The following PEMT variants were observed in gnomAD, a reference collection of about 807,000 sequenced individuals.
PEMT encodes the protein phosphatidylethanolamine N-methyltransferase, also known as phospholipid methyltransferase.
PEMT carries 23 observed loss-of-function variants against 27.4 expected under a neutral mutation model. The ratio of observed to expected loss-of-function variants is 0.84; its 90% CI spans 0.60 to 1.19. PEMT has a LOEUF of 1.19. Ranked by LOEUF, PEMT falls within the 50% of genes most tolerant of loss-of-function variation. The probability of loss-of-function intolerance (pLI) is 0.00; values close to 1 mark genes in which losing one functional copy is unlikely to be tolerated. For synonymous variants in PEMT, 137 were observed against 139.1 expected, an observed-to-expected ratio of 0.98 and a Z score of 0.11; for missense variants, 307 against 310.1, an observed-to-expected ratio of 0.99 and a Z score of 0.07.
At chr17:17,552,404 C>T (rs981554471) in intron 2 of PEMT, among the ~76,000 whole-genome samples, 4 of 152,346 alleles carry the variant, frequency 2.6e-5, no homozygotes, top group African/African-American at 9.6e-5. Flanking sequence ...TTTCATCTGC[C>T]ATTTGGGATT....
chr17:17,505,723 C>CGAGGGTTAGG lies in PEMT; in HGVS notation c.*67_*68insCCTAACCCTC. On this transcript the variant is annotated 3_prime_UTR_variant, in exon 7 of 7. Transcript: ENST00000255389. ...AGCAGCAGGCACCATTCTCGCCCTG[C>CGAGGGTTAGG]GCAGGGCCTGCCACTTGGGGCAGGC... The CGAGGGTTAGG allele has an allele frequency of 6.6e-7, 1 of 1,506,252 alleles. No homozygotes were observed. The highest frequency in any genetic ancestry group is 8.9e-7 in the Non-Finnish European group (1 of 1,125,722). 93.3% of individuals were successfully genotyped at this position (1,506,252 alleles called of 1,614,324 possible).
At chr17:17,529,765 G>A (rs1907954171) in intron 2 of PEMT, among the ~76,000 whole-genome samples, 1 of 152,222 alleles carries the variant, frequency 6.6e-6, no homozygotes, top group Non-Finnish European at 1.5e-5. Flanking sequence ...ACAGGAGAAA[G>A]AGCAATAGGA....
chr17:17,568,922 G>A (rs1166618689), intron 2 of PEMT, among the ~76,000 whole-genome samples: 4 of 152,152 alleles, frequency 2.6e-5, no homozygotes, highest in Non-Finnish European at 5.9e-5. Context: ...ACCCTGGGGT[G>A]CAGCTGCTGC....
chr17:17,524,822 C>T (rs559481943), intron 2 of PEMT, among the ~76,000 whole-genome samples: 1 of 152,170 alleles, frequency 6.6e-6, no homozygotes, highest in African/African-American at 2.4e-5. Flanking sequence ...AAAGAAATAC[C>T]TTTCCAGCTG....
rs1377008216 is a variant in PEMT at position 17,561,239 on chromosome 17, GGA to G, written c.204+15679_204+15680del. 6.6e-6 allele frequency among the ~76,000 whole-genome samples: 1 copy of G among 152,130 alleles called. No individual in the cohort carries two copies. Among genetic ancestry groups the G allele is most frequent in the Non-Finnish European group, 1.5e-5 (1 of 68,022 alleles). On this transcript the variant is annotated intron_variant, in intron 2 of 6. Coordinates refer to ENST00000255389, the MANE Select transcript of PEMT (RefSeq NM_148172.3). This position sits in a 1 kb window ranked among gnomAD's most constrained non-coding sequence, Gnocchi z 4.5. Reference sequence around the variant, plus strand: ...CTGCCTGGCTCCCTGTGCTGCACACGGAGTGTGTCACATCCTCACACGACCCA... The same window carrying G: ...CTGCCTGGCTCCCTGTGCTGCACACGGTGTGTCACATCCTCACACGACCCA...
At chr17:17,508,799 CG>C in intron 5 of PEMT, 1 of 464,794 alleles carries the variant, frequency 2.2e-6, no homozygotes, top group Admixed American at 2.4e-5. Context: ...CCTCATGGCA[CG>C]GGGCCCCCTC....
chr17:17,531,402 GACA>G (rs1416609515), intron 2 of PEMT, among the ~76,000 whole-genome samples: 2 of 151,116 alleles, frequency 1.3e-5, no homozygotes, highest in African/African-American at 4.9e-5. Context: ...TTTATTCACA[GACA>G]ACAATAATCA....
chr17:17,586,984 C>G (rs1201826810), intron 1 of PEMT, among the ~76,000 whole-genome samples: 1 of 151,808 alleles, frequency 6.6e-6, no homozygotes, highest in African/African-American at 2.4e-5. Context: ...GCCTGGGCAA[C>G]AGAGGAAGAC....
intron 2 of PEMT, among the ~76,000 whole-genome samples, chr17:17,556,690 G>T (rs559780692): frequency 1.3e-5 from 2 of 152,072 alleles, no homozygotes; most frequent in African/African-American, 2.4e-5. Context: ...GCAAATTTCT[G>T]TTGCCTCTGA....
At position 17,508,679 on chromosome 17, in the gene PEMT, C is replaced by T. The variant is rs573712135; in HGVS notation, c.578+755G>A. ...GGGCTGGGTATGAAGCCGAGGGCAGCGCCCGCTGTGCCATCCTTGACCGCA... is the reference window on the plus strand; with the variant it reads ...GGGCTGGGTATGAAGCCGAGGGCAGTGCCCGCTGTGCCATCCTTGACCGCA... On this transcript the variant is annotated intron_variant, in intron 5 of 6. Coordinates refer to ENST00000255389, the MANE Select transcript of PEMT (RefSeq NM_148172.3). The T allele has an allele frequency of 2.2e-5, 9 of 405,824 alleles. No individual in the cohort carries two copies. In the East Asian group the frequency reaches 4.0e-4, roughly 18 times the overall value. The allele number at this position is 405,824 out of a possible 1,614,324, so 25.1% of individuals were successfully genotyped here. A position where few individuals can be genotyped will look rare whatever the true frequency, so the allele number is the denominator to read the frequency against.
chr17:17,559,640 T>C (rs1910325398), intron 2 of PEMT, among the ~76,000 whole-genome samples: 1 of 152,070 alleles, frequency 6.6e-6, no homozygotes, highest in Admixed American at 6.5e-5. Context: ...GGTGGAGGAA[T>C]TGTGGCCTCT....
chr17:17,575,279 A>C (rs1272219225), intron 2 of PEMT, among the ~76,000 whole-genome samples: 2 of 152,226 alleles, frequency 1.3e-5, no homozygotes, highest in Non-Finnish European at 2.9e-5. Flanking sequence ...CATTGTTAAA[A>C]GGACACACAC....
At position 17,587,584 on chromosome 17, in the gene PEMT, G is replaced by A. The variant is rs992936133; in HGVS notation, c.96+3947C>T. 3.3e-5 allele frequency among the ~76,000 whole-genome samples: 5 copies of A among 152,074 alleles called. No homozygotes were observed. The East Asian group carries it at 5.8e-4, about 18-fold the overall frequency. On this transcript the variant is annotated intron_variant, in intron 1 of 6. Coordinates refer to ENST00000255389, the MANE Select transcript of PEMT (RefSeq NM_148172.3). ...ATTACCCTAACACTAAAACCAGGCC[G>A]GGTGCAGTGGCTCACCGCCTGTAAT...
intron 2 of PEMT, among the ~76,000 whole-genome samples, chr17:17,538,445 C>T (rs1314788950): frequency 6.6e-6 from 1 of 152,152 alleles, no homozygotes; most frequent in Non-Finnish European, 1.5e-5. Context: ...GTCCCAGCTA[C>T]TTGAGAGGCT....
chr17:17,552,882 A>G (rs1220238143), intron 2 of PEMT, among the ~76,000 whole-genome samples: 1 of 152,172 alleles, frequency 6.6e-6, no homozygotes, highest in Non-Finnish European at 1.5e-5. Flanking sequence ...TTCTGAACAC[A>G]CTGCTCCCTG....
At chr17:17,525,228 A>G (rs1470059801) in intron 2 of PEMT, among the ~76,000 whole-genome samples, 3 of 152,226 alleles carry the variant, frequency 2.0e-5, no homozygotes, top group African/African-American at 7.2e-5. Context: ...AGCCTCGGAA[A>G]GAGCTGATGC....
At chr17:17,554,818 G>A (rs1274541647) in intron 2 of PEMT, among the ~76,000 whole-genome samples, 1 of 152,050 alleles carries the variant, frequency 6.6e-6, no homozygotes, top group Non-Finnish European at 1.5e-5. Context: ...GTTTCACCAT[G>A]TTGGTCAGGC....
chr17:17,588,099 G>T lies in PEMT; in HGVS notation c.96+3432C>A, dbSNP rs554762216. ...GGAAAAACAGTGTCATCTCAACAGA[G>T]GCAGGGGAAACAAGCTCCAAGAGTT... is the stretch of plus-strand genomic sequence containing the variant. On this transcript the variant is annotated intron_variant, in intron 1 of 6. Coordinates refer to ENST00000255389, the MANE Select transcript of PEMT (RefSeq NM_148172.3). Among the ~76,000 whole-genome samples the T allele has an allele frequency of 1.4e-3, 216 of 152,250 alleles. 1 individual carries two copies. The highest frequency in any genetic ancestry group is 6.8e-3 in the Middle Eastern group (2 of 294).
At position 17,507,155 on chromosome 17, in the gene PEMT, A is replaced by G. The variant is rs68181410; in HGVS notation, c.579-854T>C. ...CTGCCGTCAAGCTGTCCCCCAATCT[A>G]TTTCTATAGTTACCTCTGATCCCAC... On this transcript the variant is annotated intron_variant, in intron 5 of 6. Transcript: ENST00000255389. 2,226 of 1,558,774 alleles carry G rather than the reference A, an allele frequency of 1.4e-3. 27 individuals are homozygous for G. The African/African-American group carries it at 0.026, about 18-fold the overall frequency.
Sources: allele counts gnomAD v4.1 joint callset (sites outside exome capture counted in the v4.1 genomes callset), GRCh38; gene constraint gnomAD v4.1.1; non-coding constraint Gnocchi (gnomAD v3.1); transcripts MANE v1.5; gene names NCBI Gene and HGNC (gene_info 2026-07-23, HGNC 2026-07-21).